The following FAM13C variants were observed in gnomAD, a reference collection of about 807,000 sequenced individuals.
FAM13C encodes the protein family with sequence similarity 13 member C.
Under a neutral mutation model 73.2 loss-of-function variants are expected in FAM13C, and 37 were observed. That is an observed-to-expected ratio of 0.51 (90% CI 0.39 to 0.67). The LOEUF (loss-of-function observed/expected upper bound fraction) is 0.67. Ranked by LOEUF, FAM13C falls within the 30% of genes least tolerant of loss-of-function variation. FAM13C has a pLI of 0.00. For missense variants in FAM13C, 589 were observed against 715.6 expected (o/e 0.82, Z 2.02); for synonymous variants, 246 against 260.9 (o/e 0.94, Z 0.55).
rs569664463 is a variant in FAM13C, at chr10:59,295,289, G to C, written c.507+7512C>G. Among the ~76,000 whole-genome samples, 5 of 152,316 alleles carry C rather than the reference G, an allele frequency of 3.3e-5. No homozygotes were observed. In the South Asian group the frequency reaches 1.0e-3, roughly 32 times the overall value. On this transcript the variant is annotated intron_variant, in intron 5 of 13. Coordinates refer to ENST00000618804, the MANE Select transcript of FAM13C (RefSeq NM_198215.4). ...TTACTTGGCTGAGCCTGGACCAATCGGGGAGGCCTTTAAAATGCACAGAGT... is the reference window on the plus strand; with the variant it reads ...TTACTTGGCTGAGCCTGGACCAATCCGGGAGGCCTTTAAAATGCACAGAGT...
intron 2 of FAM13C, 129 bp from the exon 3 acceptor site, chr10:59,352,603 T>A: frequency 1.1e-6 from 1 of 901,632 alleles, no homozygotes; most frequent in Non-Finnish European, 1.6e-6. Context: ...ATTTTTAGCC[T>A]ACACTTAGAC....
chr10:59,286,807 T>C (rs1325025280), intron 5 of FAM13C, among the ~76,000 whole-genome samples: 2 of 145,200 alleles, frequency 1.4e-5, no homozygotes, highest in East Asian at 4.2e-4. Context: ...GTCAAGGCGG[T>C]GGATCACCTG....
Position 59,252,900 on chromosome 10 carries a change from G to A in FAM13C, c.1431C>T (p.Thr477=), listed in dbSNP as rs144395945. 3 of 1,614,006 alleles carry A rather than the reference G, an allele frequency of 1.9e-6. No homozygotes were observed. The highest frequency in any genetic ancestry group is 1.1e-5 in the South Asian group (1 of 91,092). The change falls in exon 12 of 14, where the codon ACC becomes ACT. Residue 477 remains threonine (T), a synonymous_variant. Coordinates refer to ENST00000618804, the MANE Select transcript of FAM13C (RefSeq NM_198215.4). ...TAACAGGCTCAGTCTCATTAGAGTA[G>A]GTGAGGTGGTCACCAACAGGAAGGT... The part of the protein sequence containing the change: ...ASHLPVGDHL[T]YSNETEPVRA...
At chr10:59,299,691 G>A (rs1847329378) in intron 5 of FAM13C, among the ~76,000 whole-genome samples, 2 of 151,946 alleles carry the variant, frequency 1.3e-5, no homozygotes, top group Non-Finnish European at 2.9e-5. Context: ...ATGATTACAT[G>A]GACTGGCAGA....
intron 5 of FAM13C, 71 bp downstream of exon 5, chr10:59,302,720 ATTCCTAGTAC>A: frequency 3.8e-6 from 5 of 1,304,920 alleles, no homozygotes; most frequent in Non-Finnish European, 5.5e-6. Flanking sequence ...ATGAGAATGA[ATTCCTAGTAC>A]TGTGAAAAAG....
At chr10:59,250,530 G>A (rs969524749) in intron 13 of FAM13C, among the ~76,000 whole-genome samples, 1 of 152,154 alleles carries the variant, frequency 6.6e-6, no homozygotes, top group Non-Finnish European at 1.5e-5. Context: ...AATATCCCTG[G>A]TAGGCTAAAA....
intron 4 of FAM13C, among the ~76,000 whole-genome samples, chr10:59,315,077 CTAAA>C (rs1347223705): frequency 1.3e-5 from 2 of 152,076 alleles, no homozygotes; most frequent in African/African-American, 4.8e-5. Context: ...TCAATTGTTA[CTAAA>C]TAAATAAAGC....
chr10:59,362,397 AC>A lies in FAM13C; in HGVS notation c.62+1del. On this transcript the variant is annotated splice_donor_variant, in intron 1 of 13. Coordinates refer to ENST00000618804, the MANE Select transcript of FAM13C (RefSeq NM_198215.4). LOFTEE classifies it high-confidence loss of function. ...CTAATTTTAATGGTAAGAATCACTT[AC>A]TCTGTTACAGTGGTGCTGCTGAAGG... The A allele has an allele frequency of 6.2e-7, 1 of 1,613,830 alleles. No homozygotes were observed. Among genetic ancestry groups the A allele is most frequent in the Non-Finnish European group, 8.5e-7 (1 of 1,179,918 alleles).
chr10:59,348,469 T>C (rs1420816595), intron 3 of FAM13C, among the ~76,000 whole-genome samples: 1 of 152,372 alleles, frequency 6.6e-6, no homozygotes, highest in East Asian at 1.9e-4. Flanking sequence ...CTTTGCCTGA[T>C]ATTAGAGAAT....
intron 4 of FAM13C, among the ~76,000 whole-genome samples, chr10:59,306,032 A>G (rs981692945): frequency 2.6e-5 from 4 of 152,216 alleles, no homozygotes; most frequent in Non-Finnish European, 2.9e-5. Flanking sequence ...TGTAACCCTC[A>G]GTAGTTCTCA....
intron 3 of FAM13C, among the ~76,000 whole-genome samples, chr10:59,340,042 C>A (rs1423633761): frequency 6.6e-6 from 1 of 152,142 alleles, no homozygotes; most frequent in Admixed American, 6.5e-5. Context: ...CCAAAATAAA[C>A]CAACTTCGAA....
intron 4 of FAM13C, among the ~76,000 whole-genome samples, chr10:59,321,432 CTTT>C (rs1057110939): frequency 3.4e-4 from 20 of 58,088 alleles, no homozygotes; most frequent in African/African-American, 1.0e-3. Context: ...CTGCCAACAC[CTTT>C]TTTTTTTTTT....
At chr10:59,295,758 T>C (rs1475320618) in intron 5 of FAM13C, among the ~76,000 whole-genome samples, 1 of 152,104 alleles carries the variant, frequency 6.6e-6, no homozygotes, top group Non-Finnish European at 1.5e-5. Flanking sequence ...AATTTGTCCC[T>C]AAAAAGGGGC....
rs78193016 is a variant in FAM13C at position 59,266,544 on chromosome 10, T to A, written c.942+2009A>T. 5.8e-3 allele frequency among the ~76,000 whole-genome samples: 888 copies of A among 152,240 alleles called. 4 individuals carry two copies. The highest frequency in any genetic ancestry group is 9.4e-3 in the Non-Finnish European group (636 of 68,016). ...GGCATGCTGACAGGAAGGAAAAGCG[T>A]TTCCTGAGACCTGTGAGGTTCTGAT... On this transcript the variant is annotated intron_variant, in intron 8 of 13. Transcript: ENST00000618804.
At chr10:59,297,190 T>C (rs1847019691) in intron 5 of FAM13C, 1 of 152,234 alleles carries the variant, frequency 6.6e-6, no homozygotes, top group African/African-American at 2.4e-5. Context: ...AAAGCACTCA[T>C]AAAGGGAGCA....
At chr10:59,325,433 T>TC (rs1850962559) in intron 3 of FAM13C, among the ~76,000 whole-genome samples, 1 of 152,164 alleles carries the variant, frequency 6.6e-6, no homozygotes, top group East Asian at 1.9e-4. Flanking sequence ...ATCAAGATCC[T>TC]CTCTTTAATT....
chr10:59,268,715 G>A, intron 7 of FAM13C, 24 bp from the exon 8 acceptor site: 1 of 1,604,954 alleles, frequency 6.2e-7, no homozygotes, highest in Non-Finnish European at 8.5e-7. Context: ...AAGGAGGAAG[G>A]AGTATCAAAA....
intron 5 of FAM13C, among the ~76,000 whole-genome samples, chr10:59,301,747 A>G (rs373304): frequency 0.58 from 88,165 of 152,116 alleles, 26,663 homozygotes; most frequent in Admixed American, 0.67. Flanking sequence ...ACTCACTACT[A>G]TGAGGAAGAT....
At chr10:59,350,743 C>A (rs1854929296) in intron 3 of FAM13C, among the ~76,000 whole-genome samples, 1 of 152,116 alleles carries the variant, frequency 6.6e-6, no homozygotes, top group South Asian at 2.1e-4. Flanking sequence ...AAGCAAATAA[C>A]AAAATTGCAT....
Sources: gnomAD v4.1 joint callset for allele counts (sites outside exome capture counted in the v4.1 genomes callset) on GRCh38, gnomAD v4.1.1 for gene constraint, MANE v1.5 for transcripts, NCBI Gene and HGNC (gene_info 2026-07-23, HGNC 2026-07-21) for gene names.